KANK4: variants seen among roughly 807,000 people sequenced by gnomAD.
KANK4 encodes KN motif and ankyrin repeat domains 4.
In KANK4, 50 loss-of-function variants were observed where a neutral mutation model predicts 80.8. The observed-to-expected ratio is 0.62, with a 90% CI of 0.49 to 0.78. The LOEUF (loss-of-function observed/expected upper bound fraction) is 0.78, where lower values mean the gene tolerates loss of function less well. KANK4 is among the 30% of genes least tolerant of loss of function. The pLI is 0.00. For missense variants in KANK4, 1,196 were observed against 1,240.1 expected, an observed-to-expected ratio of 0.96 and a Z score of 0.53; for synonymous variants, 465 against 506.9, an observed-to-expected ratio of 0.92 and a Z score of 1.11.
At chr1:62,261,456 G>A (rs1329975888) in intron 7 of KANK4, among the ~76,000 whole-genome samples, 4 of 151,456 alleles carry the variant, frequency 2.6e-5, no homozygotes, top group Non-Finnish European at 5.9e-5. Flanking sequence ...CACCATGCCT[G>A]ACCTCCCAAT....
At chr1:62,278,288 A>C (rs1233333935) in intron 2 of KANK4, among the ~76,000 whole-genome samples, 1 of 151,286 alleles carries the variant, frequency 6.6e-6, no homozygotes, top group Non-Finnish European at 1.5e-5. Flanking sequence ...AAAAAGTTGC[A>C]AATGGTGGCA....
chr1:62,295,144 C>CTTT (rs57158084), intron 1 of KANK4, among the ~76,000 whole-genome samples: 1 of 147,526 alleles, frequency 6.8e-6, no homozygotes, highest in Admixed American at 6.7e-5. Flanking sequence ...CACATCTTTT[C>CTTT]TTTTTTTTTT....
rs141306557 is a variant in KANK4, at chr1:62,238,654, G to A, written c.2884-273C>T. Among the ~76,000 whole-genome samples the A allele has an allele frequency of 0.019, 2,551 of 134,056 alleles. 68 individuals are homozygous for A. Among genetic ancestry groups the A allele is most frequent in the African/African-American group, 0.062 (2,418 of 38,908 alleles). 87.9% of individuals were successfully genotyped at this position (134,056 alleles called of 152,430 possible). ...GCTCTTTTTTTTTTTTTTTGAGATG[G>A]AGTCTCACTCTATCGCCCAGGGTGG... On this transcript the variant is annotated intron_variant, in intron 9 of 9. Transcript: ENST00000371153.
intron 1 of KANK4, among the ~76,000 whole-genome samples, chr1:62,303,517 C>T (rs1474747214): frequency 4.6e-5 from 7 of 152,130 alleles, no homozygotes; most frequent in South Asian, 2.1e-4. Flanking sequence ...AAGCACCCAC[C>T]GCCCATCCCA....
chr1:62,313,617 G>A (rs925248978), intron 1 of KANK4, among the ~76,000 whole-genome samples: 1 of 151,862 alleles, frequency 6.6e-6, no homozygotes, highest in African/African-American at 2.4e-5. Context: ...ACATTACACC[G>A]CATGTTCTCA....
At chr1:62,295,184 G>A (rs1180412190) in intron 1 of KANK4, among the ~76,000 whole-genome samples, 7 of 152,038 alleles carry the variant, frequency 4.6e-5, no homozygotes, top group Admixed American at 4.6e-4. Context: ...TGTCGCCCAG[G>A]CGGGAGTGCA....
intron 1 of KANK4, among the ~76,000 whole-genome samples, chr1:62,302,957 A>C (rs894540476): frequency 6.6e-6 from 1 of 152,094 alleles, no homozygotes; most frequent in Non-Finnish European, 1.5e-5. Context: ...TGGGAAGAGA[A>C]GGCTTTCAAA....
At chr1:62,252,147 C>T (rs1671638045) in intron 8 of KANK4, among the ~76,000 whole-genome samples, 1 of 152,158 alleles carries the variant, frequency 6.6e-6, no homozygotes, top group African/African-American at 2.4e-5. Context: ...AGCAGGAGAC[C>T]ACCTGGTAGG....
Position 62,319,129 on chromosome 1 carries a change from C to A in KANK4, c.-94G>T, listed in dbSNP as rs1260829565. The A allele has an allele frequency of 6.6e-6, 1 of 152,292 alleles. No individual in the cohort carries two copies. Among genetic ancestry groups the A allele is most frequent in the Non-Finnish European group, 1.5e-5 (1 of 68,118 alleles). The allele number at this position is 152,292 out of a possible 1,614,324, so 9.4% of individuals were successfully genotyped here. Reference sequence around the variant, plus strand: ...ACCTTGGCGAGCTGCGGAAGTCCTGCGCGAGGCGGCCCGCGGTGCACGGGG... The same window carrying A: ...ACCTTGGCGAGCTGCGGAAGTCCTGAGCGAGGCGGCCCGCGGTGCACGGGG... On this transcript the variant is annotated 5_prime_UTR_variant, in exon 1 of 10. Coordinates refer to ENST00000371153, the MANE Select transcript of KANK4 (RefSeq NM_181712.5).
At chr1:62,271,168 T>C (rs1486435981) in intron 4 of KANK4, among the ~76,000 whole-genome samples, 1 of 152,210 alleles carries the variant, frequency 6.6e-6, no homozygotes, top group Non-Finnish European at 1.5e-5. Context: ...GTTTCAGTTT[T>C]ATGGTTCAGG....
At chr1:62,267,122 C>G (rs537928740) in intron 5 of KANK4, among the ~76,000 whole-genome samples, 2 of 152,238 alleles carry the variant, frequency 1.3e-5, no homozygotes, top group South Asian at 4.1e-4. Flanking sequence ...GGTGGACAGG[C>G]CCACCTGCAT....
rs772002025 is a variant in KANK4, at chr1:62,271,540, A to G, written c.1950T>C (p.Tyr650=). 32 of 1,613,950 alleles carry G rather than the reference A, an allele frequency of 2.0e-5. No individual in the cohort carries two copies. The highest frequency in any genetic ancestry group is 2.6e-5 in the Non-Finnish European group (31 of 1,179,952). ...SLKSIMKKKD[Y]GFRAGGNGTK... ...TCCCATTACCTCCTGCACGGAAGCCATAGTCTTTCTTTTTCATTATGGATT... is the reference window on the plus strand; with the variant it reads ...TCCCATTACCTCCTGCACGGAAGCCGTAGTCTTTCTTTTTCATTATGGATT... The change falls in exon 4 of 10, where the codon TAT becomes TAC. Residue 650 remains tyrosine (Y), a synonymous_variant. Transcript: ENST00000371153.
At chr1:62,308,983 G>A (rs1399482592) in intron 1 of KANK4, among the ~76,000 whole-genome samples, 1 of 152,114 alleles carries the variant, frequency 6.6e-6, no homozygotes, top group Non-Finnish European at 1.5e-5. Context: ...GCTCCCAGGG[G>A]CTTTCAATCC....
chr1:62,287,086 G>C (rs1253392925), intron 1 of KANK4, among the ~76,000 whole-genome samples: 1 of 152,132 alleles, frequency 6.6e-6, no homozygotes, highest in Non-Finnish European at 1.5e-5. Flanking sequence ...TGCCAGAGGA[G>C]CAAGGTTTCA....
chr1:62,278,671 A>C (rs935216516), intron 2 of KANK4, among the ~76,000 whole-genome samples: 1 of 152,022 alleles, frequency 6.6e-6, no homozygotes, highest in Non-Finnish European at 1.5e-5. Flanking sequence ...CTGGGATTAC[A>C]GGCATGAGCC....
intron 1 of KANK4, among the ~76,000 whole-genome samples, chr1:62,310,081 A>G (rs1277255524): frequency 6.6e-6 from 1 of 152,204 alleles, no homozygotes; most frequent in Non-Finnish European, 1.5e-5. Flanking sequence ...AAGCACCTGA[A>G]GAAGAATGTG....
chr1:62,274,262 G>A lies in KANK4; in HGVS notation c.842C>T (p.Ser281Phe), dbSNP rs756733298. Reference sequence around the variant, plus strand: ...CAGAGGTGGCGGGCTTGGCGTAGGGGAGCCAGGGGTGAACAACACCTCTGC... The same window carrying A: ...CAGAGGTGGCGGGCTTGGCGTAGGGAAGCCAGGGGTGAACAACACCTCTGC... ...REAEVLFTPGSPTPSPPPLPS... is the reference protein window; with the variant it reads ...REAEVLFTPGFPTPSPPPLPS... Residue 281 changes from serine (S) to phenylalanine (F), a missense_variant, in exon 3 of 10, where the codon TCC becomes TTC. By Grantham distance (155) the Ser-to-Phe change is radical (BLOSUM62 -2). Transcript: ENST00000371153. 6.2e-7 allele frequency: 1 copy of A among 1,614,056 alleles called. No individual in the cohort carries two copies. Among genetic ancestry groups the A allele is most frequent in the Admixed American group, 1.7e-5 (1 of 60,004 alleles).
At chr1:62,269,814 G>A (rs377470416) in intron 4 of KANK4, among the ~76,000 whole-genome samples, 1 of 152,178 alleles carries the variant, frequency 6.6e-6, no homozygotes, top group Non-Finnish European at 1.5e-5. Context: ...TGGGATAGAA[G>A]GATAAGAGGA....
chr1:62,287,848 TA>T, intron 1 of KANK4, among the ~76,000 whole-genome samples: 1 of 152,292 alleles, frequency 6.6e-6, no homozygotes, highest in East Asian at 1.9e-4. Flanking sequence ...TCTCAACTGG[TA>T]AAAGTATTTT....
Sources: gnomAD v4.1 joint callset for allele counts (sites outside exome capture counted in the v4.1 genomes callset) on GRCh38, gnomAD v4.1.1 for gene constraint, MANE v1.5 for transcripts, NCBI Gene and HGNC (gene_info 2026-07-23, HGNC 2026-07-21) for gene names.